Variants in POLR3G observed in about 807,000 individuals in gnomAD.
The protein encoded by POLR3G is DNA-directed RNA polymerase III subunit RPC7.
Under a neutral mutation model 30.1 loss-of-function variants are expected in POLR3G, and 28 were observed. The ratio of observed to expected loss-of-function variants is 0.93; its 90% CI spans 0.69 to 1.27. The LOEUF (loss-of-function observed/expected upper bound fraction) is 1.27. Among genes scored for constraint, POLR3G ranks in the 50% most tolerant of loss-of-function variants. The pLI is 0.00. For missense variants in POLR3G, 254 were observed against 264.6 expected (o/e 0.96, Z 0.28); for synonymous variants, 79 against 82.5 (o/e 0.96, Z 0.23).
At chr5:90,485,287 G>T (rs1312143312) in intron 1 of POLR3G, among the ~76,000 whole-genome samples, 2 of 152,192 alleles carry the variant, frequency 1.3e-5, no homozygotes, top group Non-Finnish European at 2.9e-5. Flanking sequence ...GAATTGCGTG[G>T]ACTGGATGTG....
chr5:90,481,326 T>C (rs1751112445), intron 1 of POLR3G, among the ~76,000 whole-genome samples: 1 of 149,670 alleles, frequency 6.7e-6, no homozygotes, highest in African/African-American at 2.5e-5. Context: ...TTCAGTATTC[T>C]TGAAAAAAAA....
At position 90,512,415 on chromosome 5, in the gene POLR3G, G is replaced by T. The variant is rs1752785064; in HGVS notation, c.*276G>T. ...TGATTTGAATATGAATGTGCCTAAA[G>T]AATTTTTGCTCTCTTAATCTATGTA... On this transcript the variant is annotated 3_prime_UTR_variant, in exon 8 of 8. Transcript: ENST00000651687. 9.8e-6 allele frequency: 3 copies of T among 306,384 alleles called. No homozygotes were observed. Among genetic ancestry groups the T allele is most frequent in the South Asian group, 6.0e-5 (1 of 16,772 alleles). The allele number at this position is 306,384 out of a possible 1,614,324, so 19.0% of individuals were successfully genotyped here. A position where few individuals can be genotyped will look rare whatever the true frequency, so the allele number is the denominator to read the frequency against.
intron 2 of POLR3G, 63 bp from the exon 3 acceptor site, chr5:90,487,937 A>G (rs1751528886): frequency 7.3e-7 from 1 of 1,362,826 alleles, no homozygotes; most frequent in Non-Finnish European, 9.8e-7. Context: ...TATAATACAG[A>G]TAAAAGGGAT....
At chr5:90,485,494 A>G (rs1194450955) in intron 1 of POLR3G, 31 bp from the exon 2 acceptor site, 1 of 1,033,808 alleles carries the variant, frequency 9.7e-7, no homozygotes, top group Non-Finnish European at 1.5e-6. Flanking sequence ...TCTTTTTTAT[A>G]TGTGATCCAG....
chr5:90,492,188 A>G (rs1751758569), intron 3 of POLR3G, among the ~76,000 whole-genome samples: 1 of 152,182 alleles, frequency 6.6e-6, no homozygotes, highest in South Asian at 2.1e-4. Flanking sequence ...TTCAGATGAC[A>G]GTGTCTTCAA....
At chr5:90,475,572 A>AAGGAGC (rs1203683929) in intron 1 of POLR3G, among the ~76,000 whole-genome samples, 1 of 152,112 alleles carries the variant, frequency 6.6e-6, no homozygotes, top group Admixed American at 6.6e-5. Context: ...AAATAAAGAA[A>AAGGAGC]AGGAGCACCT....
rs1019356335 is a variant in POLR3G at position 90,491,496 on chromosome 5, A to G, written c.247+3367A>G. On this transcript the variant is annotated intron_variant, in intron 3 of 7. Transcript: ENST00000651687. Reference sequence around the variant, plus strand: ...TTGGCTTACTAATTCTTGATATACCATCAGTGTCCATGAGACCCAATATAA... The same window carrying G: ...TTGGCTTACTAATTCTTGATATACCGTCAGTGTCCATGAGACCCAATATAA... Among the ~76,000 whole-genome samples the G allele has an allele frequency of 2.0e-5, 3 of 151,420 alleles. No homozygotes were observed. The South Asian group carries it at 6.2e-4, about 31-fold the overall frequency.
intron 1 of POLR3G, among the ~76,000 whole-genome samples, chr5:90,475,405 G>T (rs2151895044): frequency 6.6e-6 from 1 of 152,148 alleles, no homozygotes; most frequent in Non-Finnish European, 1.5e-5. Flanking sequence ...ACTTTATATC[G>T]TAGGGAAGGG....
chr5:90,474,408 G>T, upstream of POLR3G: 1 of 953,048 alleles, frequency 1.0e-6, no homozygotes, highest in Non-Finnish European at 1.6e-6. Context: ...CAGGGAGGAG[G>T]CGTAGAGCGA....
At chr5:90,510,508 C>T (rs1447164604) in intron 7 of POLR3G, among the ~76,000 whole-genome samples, 1 of 152,168 alleles carries the variant, frequency 6.6e-6, no homozygotes, top group African/African-American at 2.4e-5. Flanking sequence ...TAGAGTATCC[C>T]TTCCTTATTC....
intron 3 of POLR3G, chr5:90,490,588 T>TTTTTG: frequency 2.6e-6 from 1 of 389,816 alleles, no homozygotes; most frequent in Non-Finnish European, 5.0e-6. Context: ...TTTTTTTTTT[T>TTTTTG]GTAGAGACGG....
chr5:90,503,375 G>A (rs1237314871), intron 6 of POLR3G, among the ~76,000 whole-genome samples: 1 of 152,210 alleles, frequency 6.6e-6, no homozygotes, highest in Non-Finnish European at 1.5e-5. Flanking sequence ...TAAAGCCAGA[G>A]TACTGATGAA....
chr5:90,474,013 G>A, upstream of POLR3G: 1 of 1,596,930 alleles, frequency 6.3e-7, no homozygotes, highest in Non-Finnish European at 8.5e-7. Flanking sequence ...CGGTCGAACT[G>A]GTAGAGGCCG....
intron 3 of POLR3G, among the ~76,000 whole-genome samples, chr5:90,492,429 T>G (rs1419948228): frequency 2.6e-5 from 4 of 152,150 alleles, no homozygotes; most frequent in African/African-American, 9.7e-5. Context: ...ATGCTGAACA[T>G]AAAGGCAAAG....
intron 1 of POLR3G, among the ~76,000 whole-genome samples, chr5:90,482,832 A>C (rs1238083108): frequency 6.6e-6 from 1 of 152,092 alleles, no homozygotes; most frequent in African/African-American, 2.4e-5. Context: ...CCTACCCACC[A>C]AATTAACTTT....
In POLR3G at chr5:90,497,637, T is replaced by C; in HGVS notation, c.305-19T>C. On this transcript the variant is annotated intron_variant, in intron 4 of 7. Coordinates refer to ENST00000651687, the MANE Select transcript of POLR3G (RefSeq NM_006467.3). ...TCCTAGAGGAAACTGCAATTTTTTA[T>C]TTTTTATTTTATGTACAGATTGGAG... The C allele has an allele frequency of 6.3e-7, 1 of 1,576,634 alleles. No individual in the cohort carries two copies. Among genetic ancestry groups the C allele is most frequent in the Non-Finnish European group, 8.6e-7 (1 of 1,167,506 alleles).
rs1752842187 is a variant in POLR3G, at chr5:90,513,803, TAAAGTAAGCCTTAGAATAG to T, written c.*1668_*1686del. 6.6e-6 allele frequency: 1 copy of T among 152,216 alleles called. No individual in the cohort carries two copies. The highest frequency in any genetic ancestry group is 1.5e-5 in the Non-Finnish European group (1 of 68,016). 9.4% of individuals were successfully genotyped at this position (152,216 alleles called of 1,614,324 possible). A position where few individuals can be genotyped will look rare whatever the true frequency, so the allele number is the denominator to read the frequency against. On this transcript the variant is annotated 3_prime_UTR_variant, in exon 8 of 8. Coordinates refer to ENST00000651687, the MANE Select transcript of POLR3G (RefSeq NM_006467.3). ...TAAGATTCTAAATGGAATACACGAA[TAAAGTAAGCCTTAGAATAG>T]AAACCTCACAAAAAGTTGTCATTTG...
chr5:90,476,815 G>A (rs1377048597), intron 1 of POLR3G, among the ~76,000 whole-genome samples: 1 of 152,114 alleles, frequency 6.6e-6, no homozygotes, highest in African/African-American at 2.4e-5. Context: ...CTTATGCTCA[G>A]GTATCACCAA....
At chr5:90,474,206 A>T, upstream of POLR3G, 2 of 1,612,186 alleles carry the variant, frequency 1.2e-6, no homozygotes, top group Non-Finnish European at 1.7e-6. Context: ...AGATGTTGGC[A>T]CGGTTGCCCG....
Sources: gnomAD v4.1 joint callset for allele counts (sites outside exome capture counted in the v4.1 genomes callset) on GRCh38, gnomAD v4.1.1 for gene constraint, MANE v1.5 for transcripts, NCBI Gene and HGNC (gene_info 2026-07-23, HGNC 2026-07-21) for gene names.